Variants in PLEKHG1 observed in about 807,000 individuals in gnomAD.
The protein encoded by PLEKHG1 is pleckstrin homology domain-containing family G member 1.
A neutral mutation model predicts 100.8 loss-of-function variants in PLEKHG1; 44 were observed. That is an observed-to-expected ratio of 0.44 (90% CI 0.34 to 0.56). The LOEUF (loss-of-function observed/expected upper bound fraction) is 0.56. PLEKHG1 is among the 20% of genes least tolerant of loss of function. The pLI is 0.01. For missense variants in PLEKHG1, 1,545 were observed against 1,720.9 expected (o/e 0.90, Z 1.81); for synonymous variants, 640 against 662.5 (o/e 0.97, Z 0.52).
intron 10 of PLEKHG1, among the ~76,000 whole-genome samples, chr6:150,810,542 GA>G: frequency 8.7e-6 from 1 of 115,064 alleles, no homozygotes; most frequent in Non-Finnish European, 2.1e-5. Context: ...AAGAAAGGAA[GA>G]AAGGAAGGAA....
At chr6:150,801,441 T>C (rs959137815) in intron 6 of PLEKHG1, among the ~76,000 whole-genome samples, 41 of 145,894 alleles carry the variant, frequency 2.8e-4, no homozygotes, top group African/African-American at 9.9e-4. Context: ...TCTTTTCTTT[T>C]TTTTTTTTTT....
intron 1 of PLEKHG1, among the ~76,000 whole-genome samples, chr6:150,628,578 C>CACACACACACA (rs1263436444): frequency 6.2e-5 from 2 of 32,110 alleles, no homozygotes; most frequent in Admixed American, 4.0e-4. Flanking sequence ...ACACACACAC[C>CACACACACACA]CCGTCCTTGC....
intron 3 of PLEKHG1, among the ~76,000 whole-genome samples, chr6:150,693,816 T>G (rs975470740): frequency 6.6e-6 from 1 of 152,202 alleles, no homozygotes; most frequent in Non-Finnish European, 1.5e-5. Flanking sequence ...ATGAGAGGAA[T>G]GCACAGTCAT....
chr6:150,733,940 C>G, exon 2 of PLEKHG1: 2 of 1,614,206 alleles, frequency 1.2e-6, no homozygotes, highest in East Asian at 4.5e-5. Flanking sequence ...CGAAAGGCCA[C>G]CCAGAGCGCA....
chr6:150,790,097 C>A (rs551581851), intron 4 of PLEKHG1, among the ~76,000 whole-genome samples: 11 of 152,244 alleles, frequency 7.2e-5, no homozygotes, highest in African/African-American at 2.6e-4. Flanking sequence ...CTTGGCTCAC[C>A]ACAACTTCCG....
intron 1 of PLEKHG1, among the ~76,000 whole-genome samples, chr6:150,635,795 T>TA (rs893772524): frequency 3.2e-4 from 49 of 152,112 alleles, no homozygotes; most frequent in African/African-American, 1.0e-3. Context: ...CTGTGTATCT[T>TA]AAAAAAACGA....
intron 1 of PLEKHG1, among the ~76,000 whole-genome samples, chr6:150,606,666 G>A (rs1458734589): frequency 6.6e-6 from 1 of 152,056 alleles, no homozygotes; most frequent in Non-Finnish European, 1.5e-5. Context: ...TTTTCTCTTC[G>A]TATCCAAGTT....
rs34212457 is a variant in PLEKHG1 at position 150,791,676 on chromosome 6, G to GAA, written c.583-4165_583-4164dup. Among the ~76,000 whole-genome samples the GAA allele has an allele frequency of 7.4e-3, 766 of 103,814 alleles. 5 individuals are homozygous for GAA. Among genetic ancestry groups the GAA allele is most frequent in the South Asian group, 0.027 (88 of 3,222 alleles). The allele number at this position is 103,814 out of a possible 152,430, so 68.1% of individuals were successfully genotyped here. On this transcript the variant is annotated intron_variant, in intron 4 of 15. Coordinates refer to ENST00000358517, the Ensembl canonical transcript of PLEKHG1. ...CAGAGCAAGACTCTGTCTCAAAAAA[G>GAA]AAAAAAAAAAAAAAAAGAGGCTTCT...
At chr6:150,757,934 G>T (rs1783936707) in intron 2 of PLEKHG1, among the ~76,000 whole-genome samples, 1 of 152,120 alleles carries the variant, frequency 6.6e-6, no homozygotes. Flanking sequence ...ACTTACAAGT[G>T]AGAACATTTG....
intron 10 of PLEKHG1, among the ~76,000 whole-genome samples, chr6:150,813,263 C>T (rs1028126759): frequency 1.3e-5 from 2 of 150,582 alleles, no homozygotes; most frequent in Non-Finnish European, 3.0e-5. Context: ...CGAGATCACG[C>T]CACTGCACTA....
At chr6:150,786,458 A>G in exon 4 of PLEKHG1, 1 of 1,607,272 alleles carries the variant, frequency 6.2e-7, no homozygotes, top group Non-Finnish European at 8.5e-7. Context: ...TTTGTGTCCA[A>G]GGTAAGCAGG....
chr6:150,606,889 C>T lies in PLEKHG1; in HGVS notation c.-204+6872C>T, dbSNP rs1582797527. Among the ~76,000 whole-genome samples the T allele has an allele frequency of 3.3e-5, 5 of 152,224 alleles. No individual in the cohort carries two copies. The South Asian group carries it at 1.0e-3, about 32-fold the overall frequency. ...GTTCCTTTGGGGCATTCTTCAGCTCCTCCCACCCTCTCCCAACTCTGCTAG... is the reference window on the plus strand; with the variant it reads ...GTTCCTTTGGGGCATTCTTCAGCTCTTCCCACCCTCTCCCAACTCTGCTAG... On this transcript the variant is annotated intron_variant, in intron 1 of 3. Transcript: ENST00000367326.
chr6:150,790,072 G>A (rs191079303), intron 4 of PLEKHG1, among the ~76,000 whole-genome samples: 37 of 152,294 alleles, frequency 2.4e-4, no homozygotes, highest in Admixed American at 7.8e-4. Flanking sequence ...CCAGGCTGGG[G>A]TGCAGTGGTG....
rs571251728 is a variant in PLEKHG1 at position 150,706,494 on chromosome 6, G to A, written c.-98-27090G>A. On this transcript the variant is annotated intron_variant, in intron 3 of 3. Transcript: ENST00000367326. Reference sequence around the variant, plus strand: ...CCAGGCATGGTGGTGCACACCTGTGGTCCCAACTACCCAGAAGGCTTAGGC... The same window carrying A: ...CCAGGCATGGTGGTGCACACCTGTGATCCCAACTACCCAGAAGGCTTAGGC... Among the ~76,000 whole-genome samples the A allele has an allele frequency of 9.1e-4, 137 of 151,274 alleles. 1 individual carries two copies. The highest frequency in any genetic ancestry group is 3.0e-3 in the African/African-American group (124 of 41,392).
At chr6:150,752,635 C>T (rs1249315758) in intron 2 of PLEKHG1, among the ~76,000 whole-genome samples, 2 of 152,176 alleles carry the variant, frequency 1.3e-5, no homozygotes, top group African/African-American at 4.8e-5. Context: ...ATTAGAATTA[C>T]CTTTTAATAC....
chr6:150,833,043 A>T (rs1462283245), intron 15 of PLEKHG1, among the ~76,000 whole-genome samples: 1 of 133,500 alleles, frequency 7.5e-6, no homozygotes, highest in African/African-American at 2.8e-5. Context: ...TTACTACTCA[A>T]TTTTTTTTTT....
intron 2 of PLEKHG1, among the ~76,000 whole-genome samples, chr6:150,760,639 T>A (rs1407727041): frequency 6.6e-6 from 1 of 150,888 alleles, no homozygotes; most frequent in Non-Finnish European, 1.5e-5. Flanking sequence ...GCTTTGCTTT[T>A]TTTTTTTTTT....
intron 4 of PLEKHG1, 108 bp from the exon 6 acceptor site, chr6:150,795,748 T>A (rs991590819): frequency 2.2e-5 from 12 of 548,384 alleles, no homozygotes; most frequent in African/African-American, 2.1e-4. Context: ...AACATATATA[T>A]ATATATATAA....
intron 3 of PLEKHG1, among the ~76,000 whole-genome samples, chr6:150,685,616 CTCTCTGACCA>C (rs1349654284): frequency 0.028 from 4,300 of 152,252 alleles, 191 homozygotes; most frequent in African/African-American, 0.099. Context: ...TTTCGACTTT[CTCTCTGACCA>C]CAGTGATACT....
Sources: allele counts gnomAD v4.1 joint callset (sites outside exome capture counted in the v4.1 genomes callset), GRCh38; gene constraint gnomAD v4.1.1; transcripts MANE v1.5; gene names NCBI Gene and HGNC (gene_info 2026-07-23, HGNC 2026-07-21).